The following ARMH3 variants were observed in gnomAD, a reference collection of about 807,000 sequenced individuals.
The protein encoded by ARMH3 is armadillo like helical domain containing 3, also known as armadillo-like helical domain-containing protein 3.
ARMH3 carries 60 observed loss-of-function variants against 99.1 expected under a neutral mutation model. That is an observed-to-expected ratio of 0.61 (90% CI 0.49 to 0.75). The LOEUF (loss-of-function observed/expected upper bound fraction) is 0.75. Among genes scored for constraint, ARMH3 ranks in the 30% least tolerant of loss-of-function variants. The pLI is 0.00. For missense variants in ARMH3, 679 were observed against 843.1 expected, an observed-to-expected ratio of 0.81 and a Z score of 2.41; for synonymous variants, 285 against 292.8, an observed-to-expected ratio of 0.97 and a Z score of 0.27.
chr10:102,028,794 GA>G (rs35302429), intron 5 of ARMH3, among the ~76,000 whole-genome samples: 3 of 152,166 alleles, frequency 2.0e-5, no homozygotes, highest in Non-Finnish European at 4.4e-5. Flanking sequence ...CTAGGGTGAT[GA>G]AAATGTTCTG....
chr10:101,869,845 C>A (rs968131678), intron 24 of ARMH3, among the ~76,000 whole-genome samples: 3 of 152,142 alleles, frequency 2.0e-5, no homozygotes, highest in Admixed American at 6.6e-5. Context: ...CCAGCCTGAG[C>A]AACATGGCAA....
At chr10:101,966,285 GTTTT>G (rs34196495) in intron 20 of ARMH3, among the ~76,000 whole-genome samples, 19 of 80,620 alleles carry the variant, frequency 2.4e-4, no homozygotes, top group African/African-American at 6.7e-4. Context: ...TTTGGTTTGG[GTTTT>G]TTTTTTTTTT....
intron 22 of ARMH3, among the ~76,000 whole-genome samples, chr10:101,946,351 T>C (rs1844532017): frequency 6.6e-6 from 1 of 152,006 alleles, no homozygotes; most frequent in African/African-American, 2.4e-5. Flanking sequence ...CCAATTAAAA[T>C]ATTTAGAAGT....
At chr10:101,990,440 GTA>G (rs1846738201) in intron 19 of ARMH3, 109 bp downstream of exon 19, 1 of 733,788 alleles carries the variant, frequency 1.4e-6, no homozygotes. Flanking sequence ...CAAGGTGCTG[GTA>G]TTACAGGCGT....
At chr10:101,889,262 T>C (rs1253657890) in intron 24 of ARMH3, 150 bp downstream of exon 24, 4 of 778,498 alleles carry the variant, frequency 5.1e-6, no homozygotes, top group Non-Finnish European at 9.1e-6. Context: ...TTAAAAGTAC[T>C]ATCAACCAAC....
chr10:102,038,610 A>G (rs1361097843), intron 2 of ARMH3, among the ~76,000 whole-genome samples: 1 of 152,150 alleles, frequency 6.6e-6, no homozygotes, highest in Non-Finnish European at 1.5e-5. Flanking sequence ...GAGATCTCAA[A>G]TTACTTCATC....
chr10:102,032,377 T>C (rs1188647094), intron 4 of ARMH3, among the ~76,000 whole-genome samples: 1 of 152,214 alleles, frequency 6.6e-6, no homozygotes, highest in Non-Finnish European at 1.5e-5. Context: ...AGTTTCTTAA[T>C]GTTTTCTGAA....
In ARMH3 at chr10:101,883,981, A is replaced by G. The variant is rs559115048; in HGVS notation, c.1860+5431T>C. On this transcript the variant is annotated intron_variant, in intron 24 of 25. Transcript: ENST00000370033. ...GCACTCCATTCTGGGCAACAGAGGG[A>G]GATCTCACACACACACACACACACA... Among the ~76,000 whole-genome samples the G allele has an allele frequency of 1.5e-3, 223 of 151,568 alleles. 1 individual carries two copies. Among genetic ancestry groups the G allele is most frequent in the African/African-American group, 5.2e-3 (216 of 41,172 alleles).
At chr10:101,942,366 T>C (rs182431179) in intron 22 of ARMH3, among the ~76,000 whole-genome samples, 133 of 152,354 alleles carry the variant, frequency 8.7e-4, no homozygotes, top group Admixed American at 2.2e-3. Context: ...GTGGTAGTAC[T>C]AGAACCAAGG....
intron 25 of ARMH3, among the ~76,000 whole-genome samples, chr10:101,848,737 C>T (rs186355006): frequency 1.8e-4 from 27 of 152,194 alleles, no homozygotes; most frequent in Non-Finnish European, 2.5e-4. Context: ...CTCAGAGCCT[C>T]GAGACACCGC....
At chr10:101,930,123 A>G (rs986035640) in intron 23 of ARMH3, among the ~76,000 whole-genome samples, 5 of 152,150 alleles carry the variant, frequency 3.3e-5, no homozygotes, top group African/African-American at 9.7e-5. Context: ...ATACACCATG[A>G]CCAAGTAGGA....
At chr10:102,037,844 C>T (rs2067312731) in intron 2 of ARMH3, among the ~76,000 whole-genome samples, 1 of 152,078 alleles carries the variant, frequency 6.6e-6, no homozygotes, top group Non-Finnish European at 1.5e-5. Context: ...GCACCTCAGC[C>T]TCCCAGGGTA....
Position 101,847,025 on chromosome 10 carries a change from G to C in ARMH3, c.*503C>G, listed in dbSNP as rs937620153. The C allele has an allele frequency of 1.9e-5, 3 of 154,512 alleles. No homozygotes were observed. Among genetic ancestry groups the C allele is most frequent in the African/African-American group, 7.2e-5 (3 of 41,488 alleles). The allele number at this position is 154,512 out of a possible 1,614,324, so 9.6% of individuals were successfully genotyped here. A position where few individuals can be genotyped will look rare whatever the true frequency, so the allele number is the denominator to read the frequency against. ...CTAAATCTGAGCCAAAGGTCCCGAT[G>C]ACTGGACAAAGTGCCAGTGCAGGCA... On this transcript the variant is annotated 3_prime_UTR_variant, in exon 26 of 26. Coordinates refer to ENST00000370033, the MANE Select transcript of ARMH3 (RefSeq NM_024541.3).
chr10:101,998,888 T>C (rs190047106), intron 15 of ARMH3, among the ~76,000 whole-genome samples: 2 of 152,340 alleles, frequency 1.3e-5, no homozygotes, highest in African/African-American at 4.8e-5. Flanking sequence ...GCAAAAACCA[T>C]AGTATTTCAG....
At chr10:101,895,311 G>A (rs370260257) in intron 23 of ARMH3, among the ~76,000 whole-genome samples, 2 of 142,810 alleles carry the variant, frequency 1.4e-5, no homozygotes, top group African/African-American at 5.2e-5. Context: ...AGGGCGTCTC[G>A]CTCTGTCGCC....
intron 20 of ARMH3, among the ~76,000 whole-genome samples, chr10:101,959,404 T>C (rs765927022): frequency 3.8e-4 from 58 of 152,114 alleles, no homozygotes; most frequent in Non-Finnish European, 7.9e-4. Context: ...TATAAAATCA[T>C]AGAGGCGAGA....
intron 15 of ARMH3, among the ~76,000 whole-genome samples, chr10:101,996,988 G>T (rs921750654): frequency 6.6e-6 from 1 of 152,146 alleles, no homozygotes; most frequent in Non-Finnish European, 1.5e-5. Context: ...ATAGGGGCTG[G>T]GCTCAGTGGC....
intron 20 of ARMH3, among the ~76,000 whole-genome samples, chr10:101,961,832 G>C (rs1355994837): frequency 6.6e-6 from 1 of 152,112 alleles, no homozygotes; most frequent in Non-Finnish European, 1.5e-5. Context: ...AAAAATAAGG[G>C]GATGATTGCA....
chr10:101,971,815 C>A (rs1415892394), intron 20 of ARMH3, among the ~76,000 whole-genome samples: 1 of 152,106 alleles, frequency 6.6e-6, no homozygotes, highest in Non-Finnish European at 1.5e-5. Flanking sequence ...ATCCCAAAAC[C>A]CAGTTTTCTA....
Sources: allele counts gnomAD v4.1 joint callset (sites outside exome capture counted in the v4.1 genomes callset), GRCh38; gene constraint gnomAD v4.1.1; transcripts MANE v1.5; gene names NCBI Gene and HGNC (gene_info 2026-07-23, HGNC 2026-07-21).